PRKAR2A: variants seen among roughly 807,000 people sequenced by gnomAD.
PRKAR2A encodes protein kinase cAMP-dependent type II regulatory subunit alpha.
Under a neutral mutation model 51.9 loss-of-function variants are expected in PRKAR2A, and 29 were observed. That is an observed-to-expected ratio of 0.56 (90% CI 0.42 to 0.76). PRKAR2A has a LOEUF of 0.76. PRKAR2A is among the 30% of genes least tolerant of loss of function. PRKAR2A has a pLI of 0.00. For missense variants in PRKAR2A, 445 were observed against 512.1 expected (o/e 0.87, Z 1.26); for synonymous variants, 178 against 186.2 (o/e 0.96, Z 0.36).
rs1006985878 is a variant in PRKAR2A, at chr3:48,757,824, G to A, written c.874-1380C>T. ...TAATCCCAGCACTTTGGGAGGCTGA[G>A]GTGAGTGGATCACCTGAGGTCAGGA... is the stretch of plus-strand genomic sequence containing the variant. On this transcript the variant is annotated intron_variant, in intron 8 of 10. Transcript: ENST00000265563. Among the ~76,000 whole-genome samples, 3 of 152,278 alleles carry A rather than the reference G, an allele frequency of 2.0e-5. No individual in the cohort carries two copies. The East Asian group carries it at 5.8e-4, about 29-fold the overall frequency.
intron 5 of PRKAR2A, among the ~76,000 whole-genome samples, chr3:48,782,537 C>A (rs1381812522): frequency 6.6e-6 from 1 of 151,728 alleles, no homozygotes; most frequent in Admixed American, 6.6e-5. Flanking sequence ...GGATTACAGG[C>A]GTGAGCCTCC....
intron 1 of PRKAR2A, among the ~76,000 whole-genome samples, chr3:48,814,119 G>A (rs1162943602): frequency 5.3e-5 from 8 of 152,008 alleles, no homozygotes; most frequent in Non-Finnish European, 7.4e-5. Context: ...GTGGTGTCTC[G>A]CGCCTGTGGT....
intron 6 of PRKAR2A, among the ~76,000 whole-genome samples, chr3:48,769,253 G>C (rs1392806225): frequency 2.7e-5 from 4 of 148,470 alleles, no homozygotes; most frequent in African/African-American, 5.0e-5. Flanking sequence ...CGCCTCCCTG[G>C]TTCACGCCAT....
At chr3:48,806,326 T>C (rs1324371348) in intron 2 of PRKAR2A, among the ~76,000 whole-genome samples, 1 of 152,162 alleles carries the variant, frequency 6.6e-6, no homozygotes, top group Non-Finnish European at 1.5e-5. Flanking sequence ...AACATACCAT[T>C]TGCCTAGCAA....
intron 3 of PRKAR2A, among the ~76,000 whole-genome samples, chr3:48,793,269 CCA>C (rs1283588419): frequency 6.6e-5 from 10 of 151,742 alleles, no homozygotes; most frequent in Admixed American, 5.9e-4. Flanking sequence ...CCTGGTAATC[CCA>C]TATTTTGGGT....
chr3:48,801,558 G>A lies in PRKAR2A; in HGVS notation c.298+6091C>T, dbSNP rs970689044. 7.9e-5 allele frequency among the ~76,000 whole-genome samples: 12 copies of A among 152,076 alleles called. No homozygotes were observed. In the South Asian group the frequency reaches 8.3e-4, roughly 11 times the overall value. ...CCCATCTCAGCCTCCCAAAGTGCTC[G>A]GATTACAGGCATGAGCTACCATGCC... On this transcript the variant is annotated intron_variant, in intron 2 of 10. Coordinates refer to ENST00000265563, the MANE Select transcript of PRKAR2A (RefSeq NM_004157.4).
At chr3:48,824,364 CAGCCTGGGTAACAG>C (rs972493575) in intron 1 of PRKAR2A, among the ~76,000 whole-genome samples, 5 of 151,764 alleles carry the variant, frequency 3.3e-5, no homozygotes, top group African/African-American at 1.2e-4. Flanking sequence ...CACTGTGCTC[CAGCCTGGGTAACAG>C]AGCGAGACTC....
At chr3:48,770,422 T>A (rs1171877583) in intron 6 of PRKAR2A, among the ~76,000 whole-genome samples, 6 of 152,092 alleles carry the variant, frequency 3.9e-5, no homozygotes, top group African/African-American at 1.4e-4. Flanking sequence ...AGCAGGAATG[T>A]AGGATCCAAC....
chr3:48,788,233 G>A (rs894812336), intron 4 of PRKAR2A, among the ~76,000 whole-genome samples: 4 of 152,088 alleles, frequency 2.6e-5, no homozygotes, highest in Non-Finnish European at 4.4e-5. Flanking sequence ...GTTTCACCAT[G>A]TTAGCCAGGA....
intron 4 of PRKAR2A, among the ~76,000 whole-genome samples, chr3:48,784,883 T>G (rs1486637211): frequency 1.3e-5 from 2 of 152,186 alleles, no homozygotes; most frequent in Non-Finnish European, 2.9e-5. Flanking sequence ...CTACCAACAA[T>G]GTTGAAGTAC....
chr3:48,781,521 A>T (rs542085466), intron 5 of PRKAR2A, among the ~76,000 whole-genome samples: 2 of 140,438 alleles, frequency 1.4e-5, no homozygotes, highest in South Asian at 2.3e-4. Flanking sequence ...TTTTATTTTT[A>T]TTTTTTTTTG....
intron 6 of PRKAR2A, among the ~76,000 whole-genome samples, chr3:48,765,724 CAAAAAAAAA>C (rs756566818): frequency 2.2e-5 from 1 of 45,250 alleles, no homozygotes; most frequent in Non-Finnish European, 3.7e-5. Context: ...ACCCTCATTT[CAAAAAAAAA>C]AAAAAAAAAA....
At chr3:48,806,533 A>G (rs1481455113) in intron 2 of PRKAR2A, among the ~76,000 whole-genome samples, 1 of 152,018 alleles carries the variant, frequency 6.6e-6, no homozygotes, top group Non-Finnish European at 1.5e-5. Flanking sequence ...CTGAGTGCCT[A>G]TGTGTCCAGC....
In PRKAR2A at chr3:48,772,950, C is replaced by T; in HGVS notation, c.696+5G>A. ...CTTGCAAGGGGAACGATTTCTCTCACTCACCAGTCCCCAAAGGGAGCCTTC... is the reference window on the plus strand; with the variant it reads ...CTTGCAAGGGGAACGATTTCTCTCATTCACCAGTCCCCAAAGGGAGCCTTC... On this transcript the variant is annotated splice_donor_5th_base_variant and intron_variant, in intron 6 of 10. Coordinates refer to ENST00000265563, the MANE Select transcript of PRKAR2A (RefSeq NM_004157.4). 4 of 1,608,708 alleles carry T rather than the reference C, an allele frequency of 2.5e-6. No individual in the cohort carries two copies. Among genetic ancestry groups the T allele is most frequent in the Non-Finnish European group, 3.4e-6 (4 of 1,177,336 alleles).
At chr3:48,818,189 A>T (rs1222223237) in intron 1 of PRKAR2A, among the ~76,000 whole-genome samples, 1 of 152,230 alleles carries the variant, frequency 6.6e-6, no homozygotes, top group Non-Finnish European at 1.5e-5. Context: ...CCAGCCAGGC[A>T]GGTAGGCACT....
intron 5 of PRKAR2A, among the ~76,000 whole-genome samples, chr3:48,775,894 G>A (rs765458400): frequency 2.0e-5 from 3 of 152,060 alleles, no homozygotes; most frequent in Non-Finnish European, 4.4e-5. Context: ...GATCACCTGA[G>A]GTCAGGAGTT....
At position 48,829,580 on chromosome 3, in the gene PRKAR2A, A is replaced by ATGTGTATATATATACACACATAAATGTG; in HGVS notation, c.262+17754_262+17755insCACATTTATGTGTGTATATATATACACA. ...TGTATATATACACACATAAATATAT[A>ATGTGTATATATATACACACATAAATGTG]TGTGTGTATATATACACACACATAA... On this transcript the variant is annotated intron_variant, in intron 1 of 10. Coordinates refer to ENST00000265563, the MANE Select transcript of PRKAR2A (RefSeq NM_004157.4). Among the ~76,000 whole-genome samples the ATGTGTATATATATACACACATAAATGTG allele has an allele frequency of 5.7e-5, 2 of 34,812 alleles. 1 individual carries two copies. Among genetic ancestry groups the ATGTGTATATATATACACACATAAATGTG allele is most frequent in the South Asian group, 5.6e-3 (2 of 354 alleles). 22.8% of individuals were successfully genotyped at this position (34,812 alleles called of 152,430 possible).
rs570362685 is a variant in PRKAR2A, at chr3:48,771,586, T to C, written c.696+1369A>G. Among the ~76,000 whole-genome samples, 17 of 152,336 alleles carry C rather than the reference T, an allele frequency of 1.1e-4. No individual in the cohort carries two copies. In the East Asian group the frequency reaches 2.7e-3, roughly 24 times the overall value. On this transcript the variant is annotated intron_variant, in intron 6 of 10. Transcript: ENST00000265563. ...TTTCATTTTTTCTTTAAATTTTCAT[T>C]ATTTCTTAAAATTTTAAATAGAGAT...
At chr3:48,769,928 C>A (rs2082005275) in intron 6 of PRKAR2A, among the ~76,000 whole-genome samples, 2 of 152,120 alleles carry the variant, frequency 1.3e-5, no homozygotes, top group South Asian at 4.1e-4. Flanking sequence ...CAGGCATGTG[C>A]CGCCACATCA....
Sources: allele counts gnomAD v4.1 joint callset (sites outside exome capture counted in the v4.1 genomes callset), GRCh38; gene constraint gnomAD v4.1.1; transcripts MANE v1.5; gene names NCBI Gene and HGNC (gene_info 2026-07-23, HGNC 2026-07-21).